Variants in PPP1R1C observed in about 807,000 individuals in gnomAD.
PPP1R1C encodes the protein protein phosphatase 1 regulatory subunit 1C.
A neutral mutation model predicts 17.4 loss-of-function variants in PPP1R1C; 15 were observed. That is an observed-to-expected ratio of 0.86 (90% CI 0.58 to 1.33). The LOEUF is 1.33. PPP1R1C is among the 40% of genes most tolerant of loss of function. The pLI, the probability that PPP1R1C is intolerant of heterozygous loss-of-function variation, is 0.00. For synonymous variants in PPP1R1C, 35 were observed against 43.1 expected (o/e 0.81, Z 0.73); for missense variants, 143 against 130.0 (o/e 1.10, Z -0.48).
chr2:182,077,107 G>T (rs1375568904), intron 4 of PPP1R1C, among the ~76,000 whole-genome samples: 2 of 152,080 alleles, frequency 1.3e-5, no homozygotes, highest in African/African-American at 4.8e-5. Flanking sequence ...AAATTACTAC[G>T]TGAATACTCA....
At chr2:182,099,955 C>T (rs569673689) in intron 4 of PPP1R1C, among the ~76,000 whole-genome samples, 18 of 151,658 alleles carry the variant, frequency 1.2e-4, no homozygotes, top group Non-Finnish European at 2.4e-4. Flanking sequence ...TAAATAGGTG[C>T]CTTGTCCATA....
chr2:182,108,725 C>T (rs1039315791), intron 4 of PPP1R1C, among the ~76,000 whole-genome samples: 26 of 152,190 alleles, frequency 1.7e-4, no homozygotes, highest in Non-Finnish European at 3.4e-4. Context: ...TGGTGACATA[C>T]TTGACTGTCT....
At chr2:182,048,183 A>G (rs1277240302) in intron 2 of PPP1R1C, among the ~76,000 whole-genome samples, 1 of 152,148 alleles carries the variant, frequency 6.6e-6, no homozygotes, top group Non-Finnish European at 1.5e-5. Context: ...TTTTCTCCAC[A>G]TTCCCCTTTC....
intron 2 of PPP1R1C, among the ~76,000 whole-genome samples, chr2:182,036,529 C>G (rs544909225): frequency 1.3e-5 from 2 of 152,236 alleles, no homozygotes; most frequent in South Asian, 4.1e-4. Context: ...TCTGCATAAA[C>G]ATAATTTTTA....
At chr2:182,025,204 T>C (rs1306702764) in intron 2 of PPP1R1C, among the ~76,000 whole-genome samples, 1 of 148,294 alleles carries the variant, frequency 6.7e-6, no homozygotes, top group Non-Finnish European at 1.5e-5. Context: ...TTATTATTTA[T>C]TTATTTATTT....
intron 1 of PPP1R1C, among the ~76,000 whole-genome samples, chr2:181,971,710 A>G (rs1685011518): frequency 6.6e-6 from 1 of 152,142 alleles, no homozygotes; most frequent in Admixed American, 6.5e-5. Context: ...ACTGTAGGCC[A>G]TGGTCTTGAG....
intron 1 of PPP1R1C, among the ~76,000 whole-genome samples, chr2:181,971,603 C>A (rs890490429): frequency 6.6e-6 from 1 of 152,138 alleles, no homozygotes; most frequent in Non-Finnish European, 1.5e-5. Flanking sequence ...CCCTGCAAGT[C>A]CCCTCACTCC....
At chr2:182,014,618 T>C (rs774903992) in intron 2 of PPP1R1C, among the ~76,000 whole-genome samples, 4 of 151,214 alleles carry the variant, frequency 2.6e-5, no homozygotes, top group Admixed American at 6.6e-5. Flanking sequence ...GCTGATGTCC[T>C]TCCCTTCACA....
chr2:182,034,210 A>T (rs1316354207), intron 2 of PPP1R1C, among the ~76,000 whole-genome samples: 1 of 152,218 alleles, frequency 6.6e-6, no homozygotes, highest in Admixed American at 6.5e-5. Flanking sequence ...TATTAAGGAC[A>T]GGAAGACAAA....
At chr2:181,964,995 C>T (rs1054275389) in intron 1 of PPP1R1C, among the ~76,000 whole-genome samples, 7 of 152,202 alleles carry the variant, frequency 4.6e-5, no homozygotes, top group African/African-American at 1.2e-4. Context: ...CGTGAGCCAT[C>T]GCACTCGGCC....
intron 4 of PPP1R1C, among the ~76,000 whole-genome samples, chr2:182,073,257 G>A (rs899368562): frequency 2.0e-5 from 3 of 152,204 alleles, no homozygotes; most frequent in South Asian, 2.1e-4. Flanking sequence ...CGGAGCCCTT[G>A]AGGGCAGGGC....
chr2:181,990,434 C>T (rs1373002191), intron 2 of PPP1R1C, among the ~76,000 whole-genome samples: 1 of 152,112 alleles, frequency 6.6e-6, no homozygotes, highest in East Asian at 1.9e-4. Context: ...TGAGCCACAG[C>T]GCCCGGCCTC....
At chr2:182,072,717 C>A (rs1688175902) in intron 4 of PPP1R1C, among the ~76,000 whole-genome samples, 1 of 152,158 alleles carries the variant, frequency 6.6e-6, no homozygotes, top group Admixed American at 6.5e-5. Flanking sequence ...AAAATTTTTA[C>A]AAGATCTTTT....
intron 4 of PPP1R1C, among the ~76,000 whole-genome samples, chr2:182,074,275 T>C (rs2125207242): frequency 6.6e-6 from 1 of 152,052 alleles, no homozygotes; most frequent in African/African-American, 2.4e-5. Context: ...TCTCCTGACC[T>C]CATGATCCGC....
chr2:181,958,985 A>G (rs904233406), intron 1 of PPP1R1C, among the ~76,000 whole-genome samples: 1 of 152,246 alleles, frequency 6.6e-6, no homozygotes, highest in Admixed American at 6.5e-5. Context: ...GAAATGTGTA[A>G]ATACCTGAGA....
chr2:182,076,223 T>TTTTTTTTTTTTTTTTTTA, intron 4 of PPP1R1C, among the ~76,000 whole-genome samples: 1 of 113,910 alleles, frequency 8.8e-6, no homozygotes, highest in African/African-American at 3.4e-5. Flanking sequence ...TTTTTTTTTT[T>TTTTTTTTTTTTTTTTTTA]TTTTTTTTTT....
chr2:181,998,883 C>A (rs546154334), intron 2 of PPP1R1C, among the ~76,000 whole-genome samples: 2 of 152,268 alleles, frequency 1.3e-5, no homozygotes, highest in East Asian at 3.9e-4. Flanking sequence ...AGAAAGAATG[C>A]CAGAGACCCA....
At chr2:182,089,326 C>T (rs943431466) in intron 4 of PPP1R1C, among the ~76,000 whole-genome samples, 1 of 152,128 alleles carries the variant, frequency 6.6e-6, no homozygotes, top group East Asian at 1.9e-4. Context: ...TTAGCAGCAG[C>T]TTGGAAAGGG....
chr2:181,970,222 A>C (rs549713937), intron 1 of PPP1R1C, among the ~76,000 whole-genome samples: 1 of 151,436 alleles, frequency 6.6e-6, no homozygotes, highest in Non-Finnish European at 1.5e-5. Context: ...TTGAAGGATT[A>C]GGTATTTATT....
Sources: gnomAD v4.1 joint callset for allele counts (sites outside exome capture counted in the v4.1 genomes callset) on GRCh38, gnomAD v4.1.1 for gene constraint, MANE v1.5 for transcripts, NCBI Gene and HGNC (gene_info 2026-07-23, HGNC 2026-07-21) for gene names.